STK3: variants seen among roughly 807,000 people sequenced by gnomAD.
The protein encoded by STK3 is serine/threonine-protein kinase 3.
STK3 carries 41 observed loss-of-function variants against 58.0 expected under a neutral mutation model. That is an observed-to-expected ratio of 0.71 (90% CI 0.55 to 0.92). The LOEUF (loss-of-function observed/expected upper bound fraction) is 0.92. Among genes scored for constraint, STK3 ranks in the 40% least tolerant of loss-of-function variants. The probability of loss-of-function intolerance (pLI) is 0.00; values close to 1 mark genes in which losing one functional copy is unlikely to be tolerated. For synonymous variants in STK3, 170 were observed against 191.0 expected, an observed-to-expected ratio of 0.89 and a Z score of 0.91; for missense variants, 479 against 602.7, an observed-to-expected ratio of 0.79 and a Z score of 2.15.
intron 3 of STK3, among the ~76,000 whole-genome samples, chr8:98,765,093 C>G (rs1830860322): frequency 6.6e-6 from 1 of 152,174 alleles, no homozygotes. Flanking sequence ...ATTTGAGACC[C>G]TGACTTTCCT....
At chr8:98,760,764 A>G (rs1830568545) in intron 3 of STK3, among the ~76,000 whole-genome samples, 1 of 151,662 alleles carries the variant, frequency 6.6e-6, no homozygotes, top group Non-Finnish European at 1.5e-5. Flanking sequence ...CTCATACCTA[A>G]TGATCACATC....
rs529176425 is a variant in STK3, at chr8:98,491,134, CTCTTT to C, written c.1318-35139_1318-35135del. Among the ~76,000 whole-genome samples, 125 of 151,228 alleles carry C rather than the reference CTCTTT, an allele frequency of 8.3e-4. 1 individual carries two copies. In the South Asian group the frequency reaches 0.025, roughly 31 times the overall value. On this transcript the variant is annotated intron_variant, in intron 10 of 10. Coordinates refer to ENST00000419617, the MANE Select transcript of STK3 (RefSeq NM_006281.4). ...ACTGTGTAGTGGCATCCTTCCATCCCTCTTTTCTTGCTTACACAAAATAAACACGA... is the reference window on the plus strand; with the variant it reads ...ACTGTGTAGTGGCATCCTTCCATCCCTCTTGCTTACACAAAATAAACACGA...
chr8:98,872,983 T>C (rs1167039479), intron 3 of STK3, among the ~76,000 whole-genome samples: 1 of 152,224 alleles, frequency 6.6e-6, no homozygotes. Flanking sequence ...TTTAGTGCTA[T>C]AAATTTCCCT....
At chr8:98,895,329 A>C (rs1838404790) in intron 1 of STK3, among the ~76,000 whole-genome samples, 1 of 152,200 alleles carries the variant, frequency 6.6e-6, no homozygotes, top group South Asian at 2.1e-4. Flanking sequence ...CTCAAACCAC[A>C]CACTGACTGA....
chr8:98,921,509 C>G (rs1839562878), intron 1 of STK3: 1 of 152,404 alleles, frequency 6.6e-6, no homozygotes, highest in African/African-American at 2.4e-5. Flanking sequence ...TCCTGGTGGT[C>G]AATAAGATGA....
intron 1 of STK3, among the ~76,000 whole-genome samples, chr8:98,817,147 AAC>A (rs1484808222): frequency 6.6e-6 from 1 of 152,182 alleles, no homozygotes; most frequent in African/African-American, 2.4e-5. Context: ...ACTGAGTGAA[AAC>A]AATAGGATAA....
chr8:98,878,902 T>C (rs182495897), downstream of STK3: 9,094 of 144,264 alleles, frequency 0.063, 319 homozygotes, highest in South Asian at 0.092. Context: ...TTTCTTTTTT[T>C]TTTTTTTTTT....
chr8:98,607,018 GGT>G (rs930932690), intron 6 of STK3, among the ~76,000 whole-genome samples: 1 of 152,092 alleles, frequency 6.6e-6, no homozygotes, highest in African/African-American at 2.4e-5. Flanking sequence ...GAACTTGTGG[GGT>G]CTGAGCTAAC....
chr8:98,740,857 A>G (rs138679911), intron 4 of STK3, among the ~76,000 whole-genome samples: 105,858 of 151,836 alleles, frequency 0.7, 38,355 homozygotes, highest in African/African-American at 0.91. Context: ...CCCATCTCAC[A>G]AGCAGAGACA....
At chr8:98,625,989 G>A (rs1275049527) in intron 6 of STK3, among the ~76,000 whole-genome samples, 10 of 152,150 alleles carry the variant, frequency 6.6e-5, no homozygotes, top group Non-Finnish European at 1.5e-4. Flanking sequence ...ACCACGTCAT[G>A]GTAATGACTC....
At chr8:98,917,864 A>G (rs1213261335) in intron 1 of STK3, among the ~76,000 whole-genome samples, 3 of 152,134 alleles carry the variant, frequency 2.0e-5, no homozygotes, top group Non-Finnish European at 4.4e-5. Flanking sequence ...GGGTGCCAAG[A>G]CTTCGAAGCC....
intron 10 of STK3, among the ~76,000 whole-genome samples, chr8:98,504,274 T>C (rs1823867876): frequency 1.3e-5 from 2 of 152,228 alleles, no homozygotes; most frequent in Non-Finnish European, 2.9e-5. Context: ...ATTTTGAGCC[T>C]ATGTGTGTCT....
intron 5 of STK3, 122 bp downstream of exon 5, chr8:98,707,024 TC>T (rs1173763888): frequency 9.3e-7 from 1 of 1,073,618 alleles, no homozygotes; most frequent in African/African-American, 1.7e-5. Flanking sequence ...TGGTTCCTTC[TC>T]CACAAAAATT....
upstream of STK3, among the ~76,000 whole-genome samples, chr8:98,826,297 T>C (rs1835302068): frequency 6.6e-6 from 1 of 152,266 alleles, no homozygotes; most frequent in Admixed American, 6.5e-5. Context: ...TTATCGGTTA[T>C]GTTTTCCCCC....
chr8:98,864,774 A>G (rs1176940020), intron 3 of STK3, among the ~76,000 whole-genome samples: 1 of 152,120 alleles, frequency 6.6e-6, no homozygotes, highest in Non-Finnish European at 1.5e-5. Flanking sequence ...GTCACATAAC[A>G]CTCTGAACAT....
At chr8:98,921,919 C>A (rs1839580217) in intron 1 of STK3, among the ~76,000 whole-genome samples, 1 of 152,192 alleles carries the variant, frequency 6.6e-6, no homozygotes, top group Middle Eastern at 3.4e-3. Flanking sequence ...GTCTTGAACT[C>A]CTAGCCTCAA....
At chr8:98,412,041 A>G (rs1051467481) in intron 3 of STK3, among the ~76,000 whole-genome samples, 5 of 152,210 alleles carry the variant, frequency 3.3e-5, no homozygotes, top group Non-Finnish European at 7.3e-5. Context: ...CAAATTGCAC[A>G]GCCACTCTTT....
At chr8:98,806,970 C>T (rs1833919595) in intron 1 of STK3, among the ~76,000 whole-genome samples, 1 of 151,858 alleles carries the variant, frequency 6.6e-6, no homozygotes, top group Non-Finnish European at 1.5e-5. Flanking sequence ...CTGGCTAACA[C>T]AGCGAAACCC....
At chr8:98,728,109 A>C (rs1190822211) in intron 4 of STK3, among the ~76,000 whole-genome samples, 1 of 152,166 alleles carries the variant, frequency 6.6e-6, no homozygotes, top group African/African-American at 2.4e-5. Flanking sequence ...TACACACATT[A>C]AATTGGGGCT....
Sources: gnomAD v4.1 joint callset for allele counts (sites outside exome capture counted in the v4.1 genomes callset) on GRCh38, gnomAD v4.1.1 for gene constraint, MANE v1.5 for transcripts, NCBI Gene and HGNC (gene_info 2026-07-23, HGNC 2026-07-21) for gene names.